RANBP17: variants seen among roughly 807,000 people sequenced by gnomAD.
RANBP17 encodes the protein RAN binding protein 17.
In RANBP17, 158 loss-of-function variants were observed where a neutral mutation model predicts 141.2. The ratio of observed to expected loss-of-function variants is 1.12; its 90% CI spans 0.98 to 1.28. RANBP17 has a LOEUF of 1.28. Among genes scored for constraint, RANBP17 ranks in the 50% most tolerant of loss-of-function variants. The pLI is 0.00. For synonymous variants in RANBP17, 430 were observed against 450.0 expected, an observed-to-expected ratio of 0.96 and a Z score of 0.56; for missense variants, 1,438 against 1,290.7, an observed-to-expected ratio of 1.11 and a Z score of -1.75.
At chr5:170,975,212 C>G (rs1777268456) in intron 14 of RANBP17, among the ~76,000 whole-genome samples, 1 of 152,112 alleles carries the variant, frequency 6.6e-6, no homozygotes, top group South Asian at 2.1e-4. Flanking sequence ...TCAAGGGAAA[C>G]CAAGCCATTA....
chr5:171,021,258 C>T (rs990528414), intron 14 of RANBP17, among the ~76,000 whole-genome samples: 1 of 152,080 alleles, frequency 6.6e-6, no homozygotes, highest in African/African-American at 2.4e-5. Flanking sequence ...CTTGGGGCTG[C>T]TCTTCTCAAG....
chr5:171,111,794 C>A (rs950759521), intron 14 of RANBP17, among the ~76,000 whole-genome samples: 6 of 152,200 alleles, frequency 3.9e-5, no homozygotes, highest in African/African-American at 1.4e-4. Flanking sequence ...ACACATAGAA[C>A]AAAGCAATCA....
chr5:171,140,539 T>C (rs887952003), intron 14 of RANBP17, among the ~76,000 whole-genome samples: 4 of 152,212 alleles, frequency 2.6e-5, no homozygotes, highest in Admixed American at 2.6e-4. Context: ...CATACTCCAG[T>C]TTATAAAACC....
At chr5:170,931,073 T>C (rs925830456) in intron 12 of RANBP17, among the ~76,000 whole-genome samples, 8 of 152,218 alleles carry the variant, frequency 5.3e-5, no homozygotes, top group Admixed American at 1.3e-4. Context: ...CCAGCACCTG[T>C]TGTTTCCTGA....
intron 14 of RANBP17, among the ~76,000 whole-genome samples, chr5:171,007,919 A>G (rs1779766930): frequency 6.6e-6 from 1 of 152,176 alleles, no homozygotes; most frequent in Non-Finnish European, 1.5e-5. Flanking sequence ...AAGGGTAGAT[A>G]TGGCGAAGCC....
chr5:171,273,301 T>A (rs186495967), intron 25 of RANBP17, among the ~76,000 whole-genome samples: 2 of 152,358 alleles, frequency 1.3e-5, no homozygotes, highest in East Asian at 1.9e-4. Flanking sequence ...TACCATTAAC[T>A]CTATCAGTGG....
At chr5:170,965,245 GTT>G (rs202116295) in intron 13 of RANBP17, among the ~76,000 whole-genome samples, 4 of 147,476 alleles carry the variant, frequency 2.7e-5, no homozygotes, top group Non-Finnish European at 3.0e-5. Flanking sequence ...TGATGGGGTT[GTT>G]TTTTTTTTTC....
At chr5:170,944,101 A>G (rs1057093757) in intron 12 of RANBP17, among the ~76,000 whole-genome samples, 5 of 152,052 alleles carry the variant, frequency 3.3e-5, no homozygotes, top group African/African-American at 1.2e-4. Flanking sequence ...GTGAGACCGT[A>G]TAGTATTTTT....
chr5:170,902,372 A>G lies in RANBP17; in HGVS notation c.489+6257A>G, dbSNP rs1048067029. Among the ~76,000 whole-genome samples the G allele has an allele frequency of 4.6e-5, 7 of 152,246 alleles. No individual in the cohort carries two copies. In the East Asian group the frequency reaches 1.4e-3, roughly 29 times the overall value. ...TCTTGCTGTGTTTTTCAGCTCCATC[A>G]GGTCATTTATGTTCTTCTCTAAACT... is the stretch of plus-strand genomic sequence containing the variant. On this transcript the variant is annotated intron_variant, in intron 5 of 27. Coordinates refer to ENST00000523189, the MANE Select transcript of RANBP17 (RefSeq NM_022897.5).
At chr5:171,067,604 T>C (rs1333296835) in intron 14 of RANBP17, among the ~76,000 whole-genome samples, 1 of 152,080 alleles carries the variant, frequency 6.6e-6, no homozygotes, top group Non-Finnish European at 1.5e-5. Flanking sequence ...AAAATTTTTT[T>C]AAATCTAGGA....
At chr5:170,927,864 A>C (rs921300219) in intron 12 of RANBP17, among the ~76,000 whole-genome samples, 4 of 151,930 alleles carry the variant, frequency 2.6e-5, no homozygotes, top group Non-Finnish European at 5.9e-5. Flanking sequence ...TGTAGAAGAA[A>C]TTTTCATTTC....
intron 12 of RANBP17, among the ~76,000 whole-genome samples, chr5:170,927,670 G>T (rs1417157124): frequency 1.3e-5 from 2 of 151,444 alleles, no homozygotes; most frequent in Non-Finnish European, 2.9e-5. Context: ...TTTTTTCTTT[G>T]CATATGTTTT....
intron 14 of RANBP17, among the ~76,000 whole-genome samples, chr5:171,108,635 C>T (rs1250599866): frequency 6.6e-6 from 1 of 152,092 alleles, no homozygotes; most frequent in African/African-American, 2.4e-5. Flanking sequence ...TGGTCTCAAA[C>T]TCCTGAACTC....
rs192552464 is a variant in RANBP17, at chr5:171,003,907, G to A, written c.1710+35530G>A. The stretch of plus-strand genomic sequence containing the variant: ...AAGAATGGAATAGTGAGTTGTGGAG[G>A]AAGATATTGAGGACAAAAGAGTGTA... On this transcript the variant is annotated intron_variant, in intron 14 of 27. Transcript: ENST00000523189. Among the ~76,000 whole-genome samples, 440 of 152,268 alleles carry A rather than the reference G, an allele frequency of 2.9e-3. 2 individuals are homozygous for A. Among genetic ancestry groups the A allele is most frequent in the Non-Finnish European group, 4.5e-3 (304 of 68,022 alleles).
intron 14 of RANBP17, among the ~76,000 whole-genome samples, chr5:171,003,417 C>A (rs866704474): frequency 6.6e-6 from 1 of 152,276 alleles, no homozygotes; most frequent in African/African-American, 2.4e-5. Context: ...AGTATCCAAC[C>A]ATGCCCAGGA....
intron 14 of RANBP17, among the ~76,000 whole-genome samples, chr5:171,122,054 G>A (rs1756076624): frequency 6.6e-6 from 1 of 152,250 alleles, no homozygotes; most frequent in East Asian, 1.9e-4. Flanking sequence ...GGCATTGGGG[G>A]CTGGTGGGGT....
chr5:171,228,868 CAA>C (rs534781858), intron 22 of RANBP17, among the ~76,000 whole-genome samples: 39 of 151,910 alleles, frequency 2.6e-4, no homozygotes, highest in Non-Finnish European at 4.4e-4. Flanking sequence ...ATTTTAGAAA[CAA>C]GGTTGTTGCA....
intron 12 of RANBP17, among the ~76,000 whole-genome samples, chr5:170,947,958 T>C (rs751185883): frequency 1.3e-5 from 2 of 152,144 alleles, no homozygotes; most frequent in African/African-American, 2.4e-5. Context: ...TTTCCAAAGA[T>C]TGGAAGAATA....
At chr5:171,289,086 T>A (rs1249144527) in intron 25 of RANBP17, among the ~76,000 whole-genome samples, 2 of 152,220 alleles carry the variant, frequency 1.3e-5, no homozygotes, top group Non-Finnish European at 2.9e-5. Context: ...TCCTTTTGCA[T>A]TTATTCATTT....
Sources: gnomAD v4.1 joint callset for allele counts (sites outside exome capture counted in the v4.1 genomes callset) on GRCh38, gnomAD v4.1.1 for gene constraint, MANE v1.5 for transcripts, NCBI Gene and HGNC (gene_info 2026-07-23, HGNC 2026-07-21) for gene names.